The following CELF2 variants were observed in gnomAD, a reference collection of about 807,000 sequenced individuals.
CELF2 encodes CUGBP Elav-like family member 2.
Under a neutral mutation model 62.6 loss-of-function variants are expected in CELF2, and 8 were observed. The observed-to-expected ratio is 0.13, with a 90% CI of 0.07 to 0.23. The LOEUF (loss-of-function observed/expected upper bound fraction) is 0.23. CELF2 is among the 10% of genes least tolerant of loss of function. The probability of loss-of-function intolerance (pLI) is 1.00; values close to 1 mark genes in which losing one functional copy is unlikely to be tolerated. For synonymous variants in CELF2, 258 were observed against 250.0 expected, an observed-to-expected ratio of 1.03 and a Z score of -0.30; for missense variants, 333 against 671.0, an observed-to-expected ratio of 0.50 and a Z score of 5.56.
chr10:10,503,993 A>G, the CELF2 span, among the ~76,000 whole-genome samples: 1 of 152,054 alleles, frequency 6.6e-6, no homozygotes, highest in Non-Finnish European at 1.5e-5. Context: ...TAAGTGAAGT[A>G]TAGAAACCTT....
intron 3 of CELF2, among the ~76,000 whole-genome samples, chr10:11,229,626 G>T (rs1480317624): frequency 1.3e-5 from 2 of 148,500 alleles, no homozygotes; most frequent in South Asian, 2.1e-4. Context: ...AGACAGTCTC[G>T]CTCTGTTGGC....
chr10:11,045,467 G>A (rs143695720), intron 1 of CELF2, among the ~76,000 whole-genome samples: 38 of 152,276 alleles, frequency 2.5e-4, no homozygotes, highest in African/African-American at 9.1e-4. Context: ...GTCCTTACCT[G>A]TAAAATGGGT....
chr10:10,842,543 C>T (rs980397413), intron 1 of CELF2, among the ~76,000 whole-genome samples: 4 of 151,894 alleles, frequency 2.6e-5, no homozygotes, highest in African/African-American at 4.8e-5. Context: ...CATCAATTGA[C>T]GTGATCATAT....
At chr10:11,034,098 A>G (rs574030261) in intron 1 of CELF2, among the ~76,000 whole-genome samples, 2 of 152,374 alleles carry the variant, frequency 1.3e-5, no homozygotes, top group Admixed American at 1.3e-4. Context: ...AAGTATAACA[A>G]TAGTTGTTAG....
At chr10:11,148,897 G>A (rs989595014) in intron 1 of CELF2, among the ~76,000 whole-genome samples, 3 of 149,198 alleles carry the variant, frequency 2.0e-5, no homozygotes, top group Non-Finnish European at 4.5e-5. Flanking sequence ...TAGCCTGTCA[G>A]TAAAGGCCAG....
chr10:10,754,237 T>G, the CELF2 span, among the ~76,000 whole-genome samples: 1 of 151,840 alleles, frequency 6.6e-6, no homozygotes, highest in Non-Finnish European at 1.5e-5. Flanking sequence ...CTCCAATTCT[T>G]AGGCTTAAGT....
the CELF2 span, among the ~76,000 whole-genome samples, chr10:10,525,123 G>A: frequency 6.6e-6 from 1 of 152,112 alleles, no homozygotes; most frequent in African/African-American, 2.4e-5. Flanking sequence ...AACGGGATCA[G>A]TTTTTTTCGG....
chr10:11,327,798 G>C (rs374202144), intron 12 of CELF2, among the ~76,000 whole-genome samples: 1 of 152,164 alleles, frequency 6.6e-6, no homozygotes, highest in Non-Finnish European at 1.5e-5. Context: ...TTTATCAGCC[G>C]AGAACTGGGC....
chr10:11,091,169 A>C (rs1333386160), intron 1 of CELF2, among the ~76,000 whole-genome samples: 1 of 152,184 alleles, frequency 6.6e-6, no homozygotes. Flanking sequence ...CAGCTTCCTA[A>C]CATAACATGT....
chr10:11,058,736 G>T (rs2140357672), intron 1 of CELF2, among the ~76,000 whole-genome samples: 1 of 151,978 alleles, frequency 6.6e-6, no homozygotes, highest in Middle Eastern at 3.4e-3. Flanking sequence ...CCAAAGTGCT[G>T]GGATTACAGA....
At chr10:10,911,227 G>A (rs1002755892) in intron 1 of CELF2, among the ~76,000 whole-genome samples, 21 of 152,144 alleles carry the variant, frequency 1.4e-4, no homozygotes, top group Non-Finnish European at 2.8e-4. Flanking sequence ...ATGCCAGCCA[G>A]GGCCGGATGG....
At chr10:10,514,345 C>A in the CELF2 span, among the ~76,000 whole-genome samples, 1 of 152,104 alleles carries the variant, frequency 6.6e-6, no homozygotes, top group Non-Finnish European at 1.5e-5. Context: ...AACTGACCTA[C>A]TGGTGAATCC....
intron 8 of CELF2, among the ~76,000 whole-genome samples, chr10:11,286,441 G>T (rs949168485): frequency 1.3e-5 from 2 of 152,224 alleles, no homozygotes; most frequent in African/African-American, 4.8e-5. Flanking sequence ...AGCCCAGAGG[G>T]CATGGACAGA....
rs2055854547 is a variant in CELF2, at chr10:11,008,998, G to A, written c.53+3558G>A. Among the ~76,000 whole-genome samples, 1 of 63,076 alleles carries A rather than the reference G, an allele frequency of 1.6e-5. No individual in the cohort carries two copies. The highest frequency in any genetic ancestry group is 3.2e-5 in the Non-Finnish European group (1 of 31,300). 41.4% of individuals were successfully genotyped at this position (63,076 alleles called of 152,430 possible). ...TTTGCATATTTTGATAATTCCTGGGGAATTTGCGGGGGGGGGGGGGGAGCA... is the reference window on the plus strand; with the variant it reads ...TTTGCATATTTTGATAATTCCTGGGAAATTTGCGGGGGGGGGGGGGGAGCA... On this transcript the variant is annotated intron_variant, in intron 1 of 12. Transcript: ENST00000416382. This position sits in a 1 kb window ranked among gnomAD's most constrained non-coding sequence, Gnocchi z 4.5.
chr10:10,765,711 C>A, the CELF2 span, among the ~76,000 whole-genome samples: 1 of 152,182 alleles, frequency 6.6e-6, no homozygotes, highest in Non-Finnish European at 1.5e-5. Context: ...ACTACCTGTT[C>A]TAGAGTTCGC....
At chr10:11,301,405 C>A (rs1429912387) in intron 9 of CELF2, among the ~76,000 whole-genome samples, 67 of 102,026 alleles carry the variant, frequency 6.6e-4, no homozygotes, top group African/African-American at 2.3e-3. Flanking sequence ...CCGCTTCCCC[C>A]CCTCCCGCAC....
chr10:10,822,212 C>T (rs1266843177), intron 1 of CELF2, among the ~76,000 whole-genome samples: 1 of 152,242 alleles, frequency 6.6e-6, no homozygotes, highest in Non-Finnish European at 1.5e-5. Context: ...TCCCCAGAGC[C>T]TGGAAGGGGA....
At chr10:11,276,181 A>G (rs11257044) in intron 8 of CELF2, among the ~76,000 whole-genome samples, 20,469 of 151,914 alleles carry the variant, frequency 0.13, 2,809 homozygotes, top group African/African-American at 0.35. Flanking sequence ...GAATCTGGAA[A>G]AACTTTCCAG....
the CELF2 span, among the ~76,000 whole-genome samples, chr10:10,772,237 C>T: frequency 1.3e-5 from 2 of 152,100 alleles, no homozygotes; most frequent in African/African-American, 4.8e-5. Flanking sequence ...AGTAGAGTCA[C>T]ATGGGAGGGA....
Sources: allele counts gnomAD v4.1 joint callset (sites outside exome capture counted in the v4.1 genomes callset), GRCh38; gene constraint gnomAD v4.1.1; non-coding constraint Gnocchi (gnomAD v3.1); transcripts MANE v1.5; gene names NCBI Gene and HGNC (gene_info 2026-07-23, HGNC 2026-07-21).